Variants in ZSCAN25 observed in about 807,000 individuals in gnomAD.
The protein encoded by ZSCAN25 is zinc finger and SCAN domain-containing protein 25.
A neutral mutation model predicts 38.7 loss-of-function variants in ZSCAN25; 27 were observed. The ratio of observed to expected loss-of-function variants is 0.70; its 90% confidence interval spans 0.51 to 0.96. The LOEUF (loss-of-function observed/expected upper bound fraction) is 0.96. Among genes scored for constraint, ZSCAN25 ranks in the 40% least tolerant of loss-of-function variants. The probability of loss-of-function intolerance (pLI) is 0.00; values close to 1 mark genes in which losing one functional copy is unlikely to be tolerated. For missense variants in ZSCAN25, 637 were observed against 705.9 expected (o/e 0.90, Z 1.11); for synonymous variants, 273 against 277.7 (o/e 0.98, Z 0.17).
the ZSCAN25 span, among the ~76,000 whole-genome samples, chr7:99,712,710 A>G: frequency 6.6e-6 from 1 of 152,316 alleles, no homozygotes; most frequent in East Asian, 1.9e-4. Context: ...TTAAATCTGT[A>G]TGCCAAAGTC....
chr7:99,623,316 T>G (rs79802325), intron 6 of ZSCAN25, among the ~76,000 whole-genome samples: 211 of 152,332 alleles, frequency 1.4e-3, no homozygotes, highest in African/African-American at 4.8e-3. Flanking sequence ...CAGGGTGGTC[T>G]CTTTGGCCAT....
At chr7:99,715,597 G>C in the ZSCAN25 span, 1 of 1,276,182 alleles carries the variant, frequency 7.8e-7, no homozygotes. Context: ...TGACAGAAGT[G>C]TTTTAAAGTT....
chr7:99,652,640 G>A, the ZSCAN25 span: 1 of 1,613,992 alleles, frequency 6.2e-7, no homozygotes, highest in Non-Finnish European at 8.5e-7. Flanking sequence ...TGACCCTTTG[G>A]GAATGAATAC....
rs964450362 is a variant in ZSCAN25, at chr7:99,630,054, C to T, written c.*34C>T. 6.7e-7 allele frequency: 1 copy of T among 1,484,966 alleles called. No individual in the cohort carries two copies. Among genetic ancestry groups the T allele is most frequent in the Admixed American group, 2.4e-5 (1 of 41,970 alleles). The allele number at this position is 1,484,966 out of a possible 1,614,324, so 92.0% of individuals were successfully genotyped here. On this transcript the variant is annotated 3_prime_UTR_variant, in exon 8 of 8. Transcript: ENST00000394152. ...GGTGGCAGGCAGCACCATCATTCAT[C>T]TTTCTCACTGCAGGGCCTTGCGGGG...
At chr7:99,700,399 G>C in the ZSCAN25 span, among the ~76,000 whole-genome samples, 19 of 151,948 alleles carry the variant, frequency 1.3e-4, no homozygotes, top group Non-Finnish European at 2.1e-4. Context: ...CTTCATTCCA[G>C]AATACTTGAA....
At chr7:99,729,931 G>A in the ZSCAN25 span, among the ~76,000 whole-genome samples, 1 of 152,206 alleles carries the variant, frequency 6.6e-6, no homozygotes, top group Non-Finnish European at 1.5e-5. Flanking sequence ...GGACGCATGT[G>A]AAAGTAGGGA....
the ZSCAN25 span, among the ~76,000 whole-genome samples, chr7:99,712,152 A>G: frequency 6.6e-6 from 1 of 152,170 alleles, no homozygotes; most frequent in Non-Finnish European, 1.5e-5. Flanking sequence ...CTGGATTAGG[A>G]CATTTAGAGA....
the ZSCAN25 span, chr7:99,638,390 C>T: frequency 6.3e-7 from 1 of 1,595,820 alleles, no homozygotes. Flanking sequence ...TGGCATCGGG[C>T]AGGTCCTGCT....
chr7:99,646,859 C>A, the ZSCAN25 span, among the ~76,000 whole-genome samples: 16 of 151,816 alleles, frequency 1.1e-4, no homozygotes, highest in Non-Finnish European at 1.8e-4. Context: ...CACATACAAA[C>A]ACATATATTT....
chr7:99,710,873 G>A, the ZSCAN25 span: 2 of 1,613,750 alleles, frequency 1.2e-6, no homozygotes, highest in Non-Finnish European at 1.7e-6. Context: ...ATTGGGCCAT[G>A]AGCTCCAGAT....
chr7:99,633,431 T>C (rs1436731371), downstream of ZSCAN25, among the ~76,000 whole-genome samples: 1 of 152,238 alleles, frequency 6.6e-6, no homozygotes, highest in Non-Finnish European at 1.5e-5. Flanking sequence ...CCCTTAGATA[T>C]AGTTCATACA....
chr7:99,709,030 C>T, the ZSCAN25 span: 32 of 1,613,800 alleles, frequency 2.0e-5, no homozygotes, highest in African/African-American at 1.7e-4. Flanking sequence ...CCAGGGGCCT[C>T]CTACCTTTCA....
intron 6 of ZSCAN25, among the ~76,000 whole-genome samples, 198 bp downstream of exon 6, chr7:99,622,838 T>A (rs1448549057): frequency 1.3e-5 from 2 of 152,194 alleles, no homozygotes; most frequent in Non-Finnish European, 2.9e-5. Context: ...TCGAACCTTA[T>A]GTCTGTCGCC....
chr7:99,618,894 G>T (rs761099499), intron 2 of ZSCAN25, among the ~76,000 whole-genome samples, 154 bp from the exon 3 acceptor site: 1 of 152,184 alleles, frequency 6.6e-6, no homozygotes, highest in Non-Finnish European at 1.5e-5. Flanking sequence ...GACACCCAGA[G>T]TAATTTCTTA....
chr7:99,710,721 T>G, the ZSCAN25 span: 2 of 1,613,836 alleles, frequency 1.2e-6, no homozygotes, highest in Non-Finnish European at 8.5e-7. Flanking sequence ...CTCCATGTAC[T>G]GTCCACTCAC....
the ZSCAN25 span, among the ~76,000 whole-genome samples, chr7:99,643,673 C>T: frequency 6.6e-6 from 1 of 152,010 alleles, no homozygotes; most frequent in East Asian, 2.0e-4. Flanking sequence ...AGATGGGGCT[C>T]TCAGTCCCAC....
the ZSCAN25 span, chr7:99,652,655 T>C: frequency 6.2e-7 from 1 of 1,614,128 alleles, no homozygotes; most frequent in Non-Finnish European, 8.5e-7. Flanking sequence ...GAATACCCCA[T>C]TGATTTCAAC....
the ZSCAN25 span, chr7:99,647,710 A>G: frequency 6.1e-6 from 6 of 985,404 alleles, no homozygotes; most frequent in African/African-American, 1.7e-5. Flanking sequence ...ACTCTCACCT[A>G]TGTTAATAAT....
chr7:99,694,154 G>A, the ZSCAN25 span, among the ~76,000 whole-genome samples: 1 of 152,166 alleles, frequency 6.6e-6, no homozygotes, highest in African/African-American at 2.4e-5. Flanking sequence ...ATCCTTGAAT[G>A]ATCACCTCCA....
Sources: gnomAD v4.1 joint callset for allele counts (sites outside exome capture counted in the v4.1 genomes callset) on GRCh38, gnomAD v4.1.1 for gene constraint, MANE v1.5 for transcripts, NCBI Gene and HGNC (gene_info 2026-07-23, HGNC 2026-07-21) for gene names.